Variants in NEK10 observed in about 807,000 individuals in gnomAD.
NEK10 encodes the protein serine/threonine-protein kinase Nek10.
In NEK10, 122 loss-of-function variants were observed where a neutral mutation model predicts 159.8. The observed-to-expected ratio is 0.76, with a 90% confidence interval of 0.66 to 0.89. The LOEUF (loss-of-function observed/expected upper bound fraction) is 0.89. NEK10 is among the 40% of genes least tolerant of loss of function. NEK10 has a pLI of 0.00. For synonymous variants in NEK10, 466 were observed against 457.1 expected (o/e 1.02, Z -0.25); for missense variants, 1,342 against 1,323.1 (o/e 1.01, Z -0.22).
intron 25 of NEK10, among the ~76,000 whole-genome samples, chr3:27,192,883 C>T (rs900094411): frequency 2.0e-5 from 3 of 152,112 alleles, no homozygotes; most frequent in Non-Finnish European, 4.4e-5. Context: ...GGAAAAGGCA[C>T]CACAAAGAAG....
At chr3:27,114,863 A>G (rs1940155004) in intron 35 of NEK10, among the ~76,000 whole-genome samples, 1 of 152,214 alleles carries the variant, frequency 6.6e-6, no homozygotes, top group Non-Finnish European at 1.5e-5. Context: ...TTGATGACTC[A>G]GCTATGAGTA....
In NEK10 at chr3:27,162,479, G is replaced by C. The variant is rs560857654; in HGVS notation, c.2869+222C>G. On this transcript the variant is annotated intron_variant, in intron 30 of 35. Coordinates refer to ENST00000691995, the MANE Select transcript of NEK10 (RefSeq NM_001394966.1). ...GTACTACCATGATCTTTGAGATTTC[G>C]AAGAATCACAGCAGGAAGGCTATGG... The C allele has an allele frequency of 4.6e-5, 75 of 1,613,960 alleles. 1 individual carries two copies. In the South Asian group the frequency reaches 7.6e-4, roughly 16 times the overall value.
chr3:27,277,971 T>C (rs190220315), intron 22 of NEK10, among the ~76,000 whole-genome samples: 20 of 152,356 alleles, frequency 1.3e-4, no homozygotes, highest in African/African-American at 4.6e-4. Context: ...GATAGGAGTC[T>C]TGTTAAGTCA....
At chr3:27,215,053 G>C (rs1436389931) in intron 23 of NEK10, 19 of 576,014 alleles carry the variant, frequency 3.3e-5, no homozygotes, top group Non-Finnish European at 5.2e-5. Flanking sequence ...CTTTCCTCTT[G>C]GCCGGCTTCC....
chr3:27,314,394 A>G (rs79560380), intron 6 of NEK10, 56 bp from the exon 7 acceptor site: 23,691 of 994,334 alleles, frequency 0.024, 535 homozygotes, highest in African/African-American at 0.097. Context: ...AGGGGGAAGT[A>G]TATTTTACAT....
At chr3:27,115,843 A>T in intron 35 of NEK10, 97 bp downstream of exon 35, 1 of 890,306 alleles carries the variant, frequency 1.1e-6, no homozygotes, top group Non-Finnish European at 1.7e-6. Flanking sequence ...TAAAATCTGA[A>T]AAAAAATCCC....
At chr3:27,178,146 C>A (rs944567273) in intron 26 of NEK10, among the ~76,000 whole-genome samples, 1 of 152,148 alleles carries the variant, frequency 6.6e-6, no homozygotes, top group Non-Finnish European at 1.5e-5. Flanking sequence ...CTAGTATTGG[C>A]ACAATTATGT....
chr3:27,110,484 TA>T lies in NEK10; in HGVS notation c.*787del, dbSNP rs1021485680. On this transcript the variant is annotated 3_prime_UTR_variant, in exon 36 of 36. Coordinates refer to ENST00000691995, the MANE Select transcript of NEK10 (RefSeq NM_001394966.1). ...ATTCTATAAACTCTTCAAAGTGCTC[TA>T]AAAATACTATAAGTTTGATTAGCAG... 4 of 152,226 alleles carry T rather than the reference TA, an allele frequency of 2.6e-5. No individual in the cohort carries two copies. Among genetic ancestry groups the T allele is most frequent in the African/African-American group, 9.6e-5 (4 of 41,454 alleles). The allele number at this position is 152,226 out of a possible 1,614,324, so 9.4% of individuals were successfully genotyped here.
Position 27,304,789 on chromosome 3 carries a change from C to G in NEK10, c.986G>C (p.Arg329Pro). 1 of 1,613,850 alleles carries G rather than the reference C, an allele frequency of 6.2e-7. No individual in the cohort carries two copies. The highest frequency in any genetic ancestry group is 8.5e-7 in the Non-Finnish European group (1 of 1,179,784). The change falls in exon 12 of 36, where the codon CGC becomes CCC. Residue 329 changes from arginine (R) to proline (P), a missense_variant. Transcript: ENST00000691995. ...CEDPETSVEIRIWGGIKQLLH... is the reference protein window; with the variant it reads ...CEDPETSVEIPIWGGIKQLLH... ...AAGCTGTTTGATGCCTCCCCAAATG[C>G]GAATTTCCACGCTGGTCTCAGGGTC...
chr3:27,250,592 G>A (rs1318236081), intron 23 of NEK10, among the ~76,000 whole-genome samples: 2 of 152,104 alleles, frequency 1.3e-5, no homozygotes, highest in Non-Finnish European at 1.5e-5. Context: ...ATTTCTCATA[G>A]GACAGGTCAG....
At chr3:27,294,235 T>C (rs932285315) in intron 15 of NEK10, among the ~76,000 whole-genome samples, 65 of 152,162 alleles carry the variant, frequency 4.3e-4, no homozygotes, top group Admixed American at 3.2e-3. Flanking sequence ...ACATCTGACA[T>C]TTTGCAGTAC....
At chr3:27,230,461 T>C (rs1193980829) in intron 23 of NEK10, among the ~76,000 whole-genome samples, 2 of 151,682 alleles carry the variant, frequency 1.3e-5, no homozygotes, top group Non-Finnish European at 2.9e-5. Context: ...AATAATACAA[T>C]GTAAAAAAAG....
intron 6 of NEK10, among the ~76,000 whole-genome samples, chr3:27,315,383 T>C (rs1559487955): frequency 6.6e-6 from 1 of 152,098 alleles, no homozygotes; most frequent in Non-Finnish European, 1.5e-5. Context: ...CTGTATAAAG[T>C]GAACTTGGAA....
At chr3:27,291,191 A>C in intron 18 of NEK10, 71 bp downstream of exon 18, 1 of 1,379,920 alleles carries the variant, frequency 7.2e-7, no homozygotes, top group African/African-American at 1.4e-5. Context: ...AATTCAATTG[A>C]ATATCGGTGT....
intron 33 of NEK10, among the ~76,000 whole-genome samples, chr3:27,117,585 T>C (rs1269584298): frequency 6.6e-6 from 1 of 152,234 alleles, no homozygotes; most frequent in Non-Finnish European, 1.5e-5. Flanking sequence ...TCAATGATGT[T>C]GAGCTTTTTA....
chr3:27,257,797 T>G (rs1253138031), intron 22 of NEK10, among the ~76,000 whole-genome samples: 1 of 105,502 alleles, frequency 9.5e-6, no homozygotes, highest in Non-Finnish European at 2.3e-5. Flanking sequence ...TCTTTTTTTT[T>G]TTTTTTTTTG....
chr3:27,333,549 A>T (rs1474923062), intron 5 of NEK10, among the ~76,000 whole-genome samples: 1 of 150,684 alleles, frequency 6.6e-6, no homozygotes, highest in Admixed American at 6.6e-5. Context: ...TCCGTCTCAA[A>T]AAAAAAAAAA....
At chr3:27,177,082 T>C (rs957931844) in intron 26 of NEK10, among the ~76,000 whole-genome samples, 1 of 152,090 alleles carries the variant, frequency 6.6e-6, no homozygotes. Flanking sequence ...CAAGAACCAA[T>C]TGGGTCATAA....
intron 5 of NEK10, among the ~76,000 whole-genome samples, chr3:27,325,184 C>T (rs1334146082): frequency 1.3e-5 from 2 of 152,226 alleles, no homozygotes; most frequent in African/African-American, 4.8e-5. Context: ...GACACTTGCT[C>T]ACACTGCCCT....
Sources: gnomAD v4.1 joint callset for allele counts (sites outside exome capture counted in the v4.1 genomes callset) on GRCh38, gnomAD v4.1.1 for gene constraint, MANE v1.5 for transcripts, NCBI Gene and HGNC (gene_info 2026-07-23, HGNC 2026-07-21) for gene names.